Variants in CBLN2 observed in about 807,000 individuals in gnomAD.
The protein encoded by CBLN2 is cerebellin 2 precursor, also known as cerebellin-2.
CBLN2 carries 7 observed loss-of-function variants against 15.0 expected under a neutral mutation model. That is an observed-to-expected ratio of 0.47 (90% confidence interval 0.27 to 0.88). The LOEUF (loss-of-function observed/expected upper bound fraction) is 0.88. Among genes scored for constraint, CBLN2 ranks in the 40% least tolerant of loss-of-function variants. The pLI, the probability that CBLN2 is intolerant of heterozygous loss-of-function variation, is 0.14. For synonymous variants in CBLN2, 149 were observed against 135.2 expected, an observed-to-expected ratio of 1.10 and a Z score of -0.71; for missense variants, 242 against 304.5, an observed-to-expected ratio of 0.79 and a Z score of 1.53.
chr18:72,564,155 C>A lies in CBLN2; in HGVS notation c.16-25383G>T, dbSNP rs940506332. 7.9e-5 allele frequency among the ~76,000 whole-genome samples: 12 copies of A among 152,000 alleles called. No individual in the cohort carries two copies. The South Asian group carries it at 8.3e-4, about 11-fold the overall frequency. On this transcript the variant is annotated intron_variant, in intron 1 of 2. Coordinates refer to the CBLN2 transcript ENST00000581073. ...CACACACACAAAATTAAAAACAAGG[C>A]GACATGATACCACAAAAGAAACACA...
chr18:72,626,009 C>T (rs921552564), intron 1 of CBLN2, among the ~76,000 whole-genome samples: 48 of 151,542 alleles, frequency 3.2e-4, no homozygotes, highest in African/African-American at 1.2e-3. Context: ...TCACAGCTTC[C>T]CAGCTGCCCG....
At chr18:72,611,452 A>G (rs2069621804) in intron 1 of CBLN2, among the ~76,000 whole-genome samples, 1 of 152,104 alleles carries the variant, frequency 6.6e-6, no homozygotes, top group South Asian at 2.1e-4. Flanking sequence ...CTGGCATGAG[A>G]TGGTATTTAA....
At chr18:72,599,727 C>G (rs2069535840) in intron 1 of CBLN2, among the ~76,000 whole-genome samples, 1 of 152,134 alleles carries the variant, frequency 6.6e-6, no homozygotes, top group Non-Finnish European at 1.5e-5. Flanking sequence ...AAATCAAGGT[C>G]TGGAACAATC....
At chr18:72,557,085 C>G (rs1442423535) in intron 1 of CBLN2, among the ~76,000 whole-genome samples, 1 of 151,270 alleles carries the variant, frequency 6.6e-6, no homozygotes, top group African/African-American at 2.4e-5. Flanking sequence ...TACAATATCT[C>G]GAATGCAGTG....
chr18:72,608,020 C>T (rs1337905770), intron 1 of CBLN2, among the ~76,000 whole-genome samples: 1 of 152,194 alleles, frequency 6.6e-6, no homozygotes, highest in African/African-American at 2.4e-5. Flanking sequence ...AACTTCTTAT[C>T]TATTTTCCAC....
intron 1 of CBLN2, among the ~76,000 whole-genome samples, chr18:72,614,527 T>A (rs1392531857): frequency 6.6e-6 from 1 of 152,138 alleles, no homozygotes. Context: ...TTTATTCCAT[T>A]GGATTTGGTG....
chr18:72,584,325 T>TC (rs1054929330), intron 1 of CBLN2, among the ~76,000 whole-genome samples: 1 of 151,340 alleles, frequency 6.6e-6, no homozygotes, highest in African/African-American at 2.4e-5. Context: ...TTTTTTTTTT[T>TC]CCCCTGAGAC....
chr18:72,626,294 T>C (rs1302218024), intron 1 of CBLN2, among the ~76,000 whole-genome samples: 1 of 152,080 alleles, frequency 6.6e-6, no homozygotes. Context: ...GACAATGTCA[T>C]AAAAAATCCA....
chr18:72,553,200 T>C (rs1011806831), intron 1 of CBLN2, among the ~76,000 whole-genome samples: 5 of 152,100 alleles, frequency 3.3e-5, no homozygotes, highest in African/African-American at 1.2e-4. Context: ...ACTACTCTGA[T>C]TTACGTGTTC....
chr18:72,581,378 T>C (rs1270777220), intron 1 of CBLN2, among the ~76,000 whole-genome samples: 2 of 152,366 alleles, frequency 1.3e-5, no homozygotes, highest in South Asian at 2.1e-4. Flanking sequence ...TGATTTCTCC[T>C]TGTGTGCCAT....
intron 1 of CBLN2, among the ~76,000 whole-genome samples, chr18:72,564,791 C>G (rs2069283615): frequency 6.6e-6 from 1 of 152,054 alleles, no homozygotes; most frequent in African/African-American, 2.4e-5. Flanking sequence ...ACATCCAGAT[C>G]CATGAAGTTC....
chr18:72,560,065 T>C (rs2069250369), intron 1 of CBLN2, among the ~76,000 whole-genome samples: 1 of 152,184 alleles, frequency 6.6e-6, no homozygotes. Flanking sequence ...GAGGAGTTTG[T>C]GTATTTCCTG....
At chr18:72,631,568 C>T (rs763275135) in intron 1 of CBLN2, among the ~76,000 whole-genome samples, 17 of 152,112 alleles carry the variant, frequency 1.1e-4, no homozygotes, top group Non-Finnish European at 2.2e-4. Context: ...TTATCTCCCA[C>T]ACATCAGTAT....
intron 1 of CBLN2, among the ~76,000 whole-genome samples, chr18:72,558,551 G>A (rs1365461638): frequency 1.3e-5 from 2 of 152,082 alleles, no homozygotes; most frequent in Non-Finnish European, 1.5e-5. Context: ...AAGAAAGGGT[G>A]TGCAAAGCTT....
chr18:72,577,719 C>T (rs142021206), intron 1 of CBLN2, among the ~76,000 whole-genome samples: 9 of 152,284 alleles, frequency 5.9e-5, no homozygotes, highest in African/African-American at 2.2e-4. Flanking sequence ...TGCTTTGGTG[C>T]CATAACACAG....
intron 1 of CBLN2, among the ~76,000 whole-genome samples, chr18:72,581,194 T>C (rs1199987912): frequency 6.6e-6 from 1 of 152,228 alleles, no homozygotes; most frequent in African/African-American, 2.4e-5. Flanking sequence ...ACAGCAGTCT[T>C]GAATAATGTC....
At position 72,542,276 on chromosome 18, in the gene CBLN2, G is replaced by C. The variant is rs1409092252; in HGVS notation, c.-116C>G. 12 of 572,164 alleles carry C rather than the reference G, an allele frequency of 2.1e-5. No individual in the cohort carries two copies. The highest frequency in any genetic ancestry group is 6.0e-4 in the Middle Eastern group (1 of 1,660). The allele number at this position is 572,164 out of a possible 1,614,324, so 35.4% of individuals were successfully genotyped here. A position where few individuals can be genotyped will look rare whatever the true frequency, so the allele number is the denominator to read the frequency against. On this transcript the variant is annotated 5_prime_UTR_variant, in exon 3 of 5. Transcript: ENST00000269503. ...CAGCCTCCGGGGGCCTTCGTCCCCG[G>C]CTCTGACGTTCAAGGCCAGGGTCGT... is the stretch of plus-strand genomic sequence containing the variant.
chr18:72,605,691 G>A (rs11873636), intron 1 of CBLN2, among the ~76,000 whole-genome samples: 19,743 of 152,180 alleles, frequency 0.13, 3,026 homozygotes, highest in African/African-American at 0.37. Flanking sequence ...TTACTTGTGG[G>A]TAGAACAAAA....
At chr18:72,612,352 G>A (rs1055741049) in intron 1 of CBLN2, among the ~76,000 whole-genome samples, 1 of 152,140 alleles carries the variant, frequency 6.6e-6, no homozygotes, top group Non-Finnish European at 1.5e-5. Flanking sequence ...GTATGTGCCT[G>A]TGTGTGTGCA....
Sources: gnomAD v4.1 joint callset for allele counts (sites outside exome capture counted in the v4.1 genomes callset) on GRCh38, gnomAD v4.1.1 for gene constraint, MANE v1.5 for transcripts, NCBI Gene and HGNC (gene_info 2026-07-23, HGNC 2026-07-21) for gene names.